The following ZNF592 variants were observed in gnomAD, a reference collection of about 807,000 sequenced individuals.
The protein encoded by ZNF592 is spinocerebellar ataxia, autosomal recessive 5.
In ZNF592, 11 loss-of-function variants were observed where a neutral mutation model predicts 80.3. The ratio of observed to expected loss-of-function variants is 0.14; its 90% CI spans 0.09 to 0.23. The LOEUF is 0.23. ZNF592 is among the 10% of genes least tolerant of loss of function. The pLI is 1.00. For missense variants in ZNF592, 1,420 were observed against 1,633.9 expected (o/e 0.87, Z 2.26); for synonymous variants, 646 against 640.3 (o/e 1.01, Z -0.13).
At chr15:84,762,041 G>T (rs1372233895) in intron 1 of ZNF592, among the ~76,000 whole-genome samples, 1 of 152,156 alleles carries the variant, frequency 6.6e-6, no homozygotes, top group Non-Finnish European at 1.5e-5. Flanking sequence ...CAACCAAACG[G>T]CTGCTTCTTT....
At chr15:84,764,319 G>A (rs1040343251) in intron 1 of ZNF592, among the ~76,000 whole-genome samples, 2 of 152,214 alleles carry the variant, frequency 1.3e-5, no homozygotes, top group Non-Finnish European at 2.9e-5. Flanking sequence ...TATTTGCTAT[G>A]TGAAAGACAG....
At chr15:84,792,476 A>G (rs1213588006) in intron 5 of ZNF592, among the ~76,000 whole-genome samples, 2 of 152,162 alleles carry the variant, frequency 1.3e-5, no homozygotes, top group Admixed American at 6.5e-5. Flanking sequence ...TTTTTGAGAC[A>G]GTGTCTCACT....
At chr15:84,796,654 C>G (rs1045065317) in intron 5 of ZNF592, among the ~76,000 whole-genome samples, 1 of 151,818 alleles carries the variant, frequency 6.6e-6, no homozygotes, top group East Asian at 1.9e-4. Context: ...TTCCATACGG[C>G]CTCAATTTCA....
chr15:84,749,872 G>C (rs1344475831), intron 1 of ZNF592, among the ~76,000 whole-genome samples: 3 of 152,226 alleles, frequency 2.0e-5, no homozygotes, highest in African/African-American at 7.2e-5. Flanking sequence ...TTTTCAACTA[G>C]TTGTGGCTTT....
chr15:84,791,506 A>T (rs1177304257), intron 5 of ZNF592, among the ~76,000 whole-genome samples: 1 of 152,218 alleles, frequency 6.6e-6, no homozygotes, highest in Non-Finnish European at 1.5e-5. Context: ...ACTTCCCTCT[A>T]GAGCTCATTG....
intron 5 of ZNF592, among the ~76,000 whole-genome samples, 166 bp from the exon 6 acceptor site, chr15:84,797,703 A>G (rs1205345158): frequency 6.6e-6 from 1 of 152,140 alleles, no homozygotes; most frequent in Non-Finnish European, 1.5e-5. Context: ...TAGCAAGCAG[A>G]CCCTCAGGAC....
chr15:84,801,964 G>C lies in ZNF592; in HGVS notation c.3375G>C (p.Gln1125His). Residue 1125 changes from glutamine to histidine, a missense_variant, in exon 11 of 11, where the codon CAG becomes CAC. Coordinates refer to ENST00000560079, the MANE Select transcript of ZNF592 (RefSeq NM_014630.3). ...CCAAAAGGCACAAGTCCCTTTTTCA[G>C]TGCGCGAAATGTAGTTTTGCCACAG... Reference protein sequence around the residue: ...SSTKRHKSLFQCAKCSFATDS... With the variant: ...SSTKRHKSLFHCAKCSFATDS... 1.7e-5 allele frequency: 27 copies of C among 1,613,970 alleles called. No individual in the cohort carries two copies. Among genetic ancestry groups the C allele is most frequent in the Non-Finnish European group, 2.3e-5 (27 of 1,179,864 alleles).
At chr15:84,778,883 A>G (rs1166263172) in intron 3 of ZNF592, among the ~76,000 whole-genome samples, 1 of 152,164 alleles carries the variant, frequency 6.6e-6, no homozygotes, top group Non-Finnish European at 1.5e-5. Context: ...TTGCAGTCTG[A>G]TGATTGAATT....
intron 4 of ZNF592, among the ~76,000 whole-genome samples, chr15:84,785,944 C>T (rs1384345904): frequency 6.6e-6 from 1 of 151,990 alleles, no homozygotes; most frequent in Non-Finnish European, 1.5e-5. Context: ...AGTGGTTTCT[C>T]TGAAGAAAGA....
chr15:84,754,644 G>C (rs1899112044), intron 1 of ZNF592: 1 of 150,808 alleles, frequency 6.6e-6, no homozygotes, highest in Non-Finnish European at 1.5e-5. Context: ...TGAGGTGGGA[G>C]AATTGCTTGA....
At chr15:84,768,226 C>CTTTCT (rs1899590402) in intron 2 of ZNF592, among the ~76,000 whole-genome samples, 1 of 138,372 alleles carries the variant, frequency 7.2e-6, no homozygotes, top group African/African-American at 2.8e-5. Context: ...TTCTTTCTTT[C>CTTTCT]TTTCTTTTTT....
At chr15:84,753,079 G>A (rs775756409) in intron 1 of ZNF592, 1 of 152,138 alleles carries the variant, frequency 6.6e-6, no homozygotes, top group Non-Finnish European at 1.5e-5. Context: ...GCACTATTTA[G>A]TATAGTCAAC....
intron 1 of ZNF592, among the ~76,000 whole-genome samples, chr15:84,752,096 G>T (rs559837609): frequency 2.0e-5 from 3 of 152,158 alleles, no homozygotes; most frequent in African/African-American, 7.2e-5. Flanking sequence ...AAATATCCAC[G>T]TTGCATCTCA....
At chr15:84,770,680 A>G (rs1899673002) in intron 2 of ZNF592, among the ~76,000 whole-genome samples, 1 of 151,942 alleles carries the variant, frequency 6.6e-6, no homozygotes, top group African/African-American at 2.4e-5. Context: ...CAGTGGAATC[A>G]CCTGGGAAGC....
intron 1 of ZNF592, among the ~76,000 whole-genome samples, chr15:84,752,511 A>G (rs897101122): frequency 6.6e-6 from 1 of 152,230 alleles, no homozygotes; most frequent in Non-Finnish European, 1.5e-5. Flanking sequence ...TGAGCAAAGA[A>G]CATTCTAGGT....
At chr15:84,764,675 TAAA>T (rs1179116155) in intron 1 of ZNF592, 29 bp from the exon 2 acceptor site, 2 of 398,544 alleles carry the variant, frequency 5.0e-6, no homozygotes, top group African/African-American at 2.1e-5. Flanking sequence ...CAGACCCACT[TAAA>T]AAAAATTTTG....
At position 84,784,781 on chromosome 15, in the gene ZNF592, C is replaced by T; in HGVS notation, c.2106C>T (p.Asp702=). ...CTCCAGCCTTGCCACTCTACCCAGA[C>T]CCTGTGAGGCTCATCCGGTACTCAA... ...PPPPALPLYP[D]PVRLIRYSIK... Residue 702 remains aspartate (D), a synonymous_variant, in exon 4 of 11, where the codon GAC becomes GAT. Coordinates refer to ENST00000560079, the MANE Select transcript of ZNF592 (RefSeq NM_014630.3). The surrounding 1 kb of genome is among the most constrained non-coding windows in gnomAD (Gnocchi z 5.8). 6.2e-7 allele frequency: 1 copy of T among 1,614,156 alleles called. No homozygotes were observed.
chr15:84,791,006 G>A (rs1962731943), intron 5 of ZNF592, 123 bp downstream of exon 5: 1 of 1,072,642 alleles, frequency 9.3e-7, no homozygotes, highest in Non-Finnish European at 1.4e-6. Context: ...CAGGACAAGA[G>A]CATTGGATGG....
At chr15:84,761,764 G>C (rs1038342731) in intron 1 of ZNF592, among the ~76,000 whole-genome samples, 1 of 152,126 alleles carries the variant, frequency 6.6e-6, no homozygotes, top group Non-Finnish European at 1.5e-5. Context: ...AGTGCTCTCA[G>C]GCTTTCTTCT....
Sources: allele counts gnomAD v4.1 joint callset (sites outside exome capture counted in the v4.1 genomes callset), GRCh38; gene constraint gnomAD v4.1.1; non-coding constraint Gnocchi (gnomAD v3.1); transcripts MANE v1.5; gene names NCBI Gene and HGNC (gene_info 2026-07-23, HGNC 2026-07-21).